The following EXOC6 variants were observed in gnomAD, a reference collection of about 807,000 sequenced individuals.
The protein encoded by EXOC6 is exocyst complex component 6, also known as SEC15-like 1.
Under a neutral mutation model 112.5 loss-of-function variants are expected in EXOC6, and 60 were observed. That is an observed-to-expected ratio of 0.53 (90% CI 0.43 to 0.66). The LOEUF (loss-of-function observed/expected upper bound fraction) is 0.66, where lower values mean the gene tolerates loss of function less well. EXOC6 is among the 30% of genes least tolerant of loss of function. EXOC6 has a pLI of 0.00. For missense variants in EXOC6, 855 were observed against 957.1 expected (o/e 0.89, Z 1.41); for synonymous variants, 295 against 308.0 (o/e 0.96, Z 0.44).
At chr10:92,899,389 G>A (rs1393831613) in intron 4 of EXOC6, among the ~76,000 whole-genome samples, 1 of 152,036 alleles carries the variant, frequency 6.6e-6, no homozygotes, top group Non-Finnish European at 1.5e-5. Flanking sequence ...ATGTGTGTGT[G>A]TGTATATAAT....
chr10:93,001,688 C>T (rs1843763682), intron 19 of EXOC6, among the ~76,000 whole-genome samples: 1 of 152,196 alleles, frequency 6.6e-6, no homozygotes, highest in Non-Finnish European at 1.5e-5. Flanking sequence ...CTCTCTCCTT[C>T]CCATTTTTCT....
intron 20 of EXOC6, among the ~76,000 whole-genome samples, chr10:93,024,780 G>A (rs1294862583): frequency 1.3e-5 from 2 of 151,946 alleles, no homozygotes; most frequent in Non-Finnish European, 2.9e-5. Context: ...CTCATTACAG[G>A]GCACCTCCCT....
intron 18 of EXOC6, among the ~76,000 whole-genome samples, chr10:92,975,898 C>T (rs1297332475): frequency 4.5e-5 from 6 of 133,146 alleles, no homozygotes; most frequent in Admixed American, 1.4e-4. Flanking sequence ...CCTGGCCAGC[C>T]GCCCCGTCCG....
chr10:92,894,710 C>T, intron 2 of EXOC6, 84 bp from the exon 3 acceptor site: 2 of 1,035,108 alleles, frequency 1.9e-6, no homozygotes. Context: ...TCTCATGAAG[C>T]ATGATCTGAT....
chr10:93,011,469 C>T (rs1844243580), intron 19 of EXOC6, among the ~76,000 whole-genome samples: 1 of 152,034 alleles, frequency 6.6e-6, no homozygotes, highest in Non-Finnish European at 1.5e-5. Flanking sequence ...CTATGTTGCC[C>T]AGGCTGGTCT....
intron 14 of EXOC6, among the ~76,000 whole-genome samples, chr10:92,949,402 A>G (rs1408337765): frequency 1.3e-5 from 2 of 152,198 alleles, no homozygotes; most frequent in Non-Finnish European, 2.9e-5. Context: ...AGAGGCCAGA[A>G]TAATTATTCT....
At chr10:92,927,691 T>G (rs1464285244) in intron 8 of EXOC6, among the ~76,000 whole-genome samples, 2 of 152,146 alleles carry the variant, frequency 1.3e-5, no homozygotes, top group Admixed American at 6.6e-5. Context: ...ACCAAGAAAT[T>G]ATAGCATGGT....
intron 18 of EXOC6, among the ~76,000 whole-genome samples, chr10:92,996,198 A>G (rs939565095): frequency 1.2e-4 from 19 of 152,196 alleles, no homozygotes; most frequent in Admixed American, 1.2e-3. Context: ...TTCTGATGAT[A>G]TTCATAGATC....
intron 1 of EXOC6, 57 bp from the exon 2 acceptor site, chr10:92,893,292 A>G: frequency 7.7e-7 from 1 of 1,306,572 alleles, no homozygotes; most frequent in East Asian, 2.4e-5. Context: ...TCTTGCAAAG[A>G]TCAGGCTTAC....
At chr10:93,039,970 C>G (rs1845685695) in intron 20 of EXOC6, among the ~76,000 whole-genome samples, 1 of 152,222 alleles carries the variant, frequency 6.6e-6, no homozygotes, top group Admixed American at 6.5e-5. Context: ...TCGTGTTCCC[C>G]TGGTTCCTCA....
chr10:92,890,645 A>AGTGT (rs143417826), intron 1 of EXOC6, among the ~76,000 whole-genome samples: 2 of 150,240 alleles, frequency 1.3e-5, no homozygotes, highest in African/African-American at 2.4e-5. Flanking sequence ...GGAAGGGGAT[A>AGTGT]GTGTGTGTGT....
intron 1 of EXOC6, among the ~76,000 whole-genome samples, chr10:92,874,794 G>C (rs1289134364): frequency 2.0e-5 from 3 of 152,154 alleles, no homozygotes; most frequent in Non-Finnish European, 4.4e-5. Context: ...TCTCCTTGAT[G>C]ACTTTGTCTT....
At chr10:92,886,396 C>T (rs1021254162) in intron 1 of EXOC6, among the ~76,000 whole-genome samples, 4 of 152,192 alleles carry the variant, frequency 2.6e-5, no homozygotes, top group Non-Finnish European at 5.9e-5. Flanking sequence ...CAGTTATCAT[C>T]CCCCTTTTCT....
chr10:92,864,084 G>A (rs1848049914), intron 1 of EXOC6, among the ~76,000 whole-genome samples: 1 of 152,224 alleles, frequency 6.6e-6, no homozygotes, highest in Admixed American at 6.5e-5. Flanking sequence ...TAAGTGAGAA[G>A]AAACCTTTTT....
At chr10:92,930,669 A>G (rs973816836) in intron 9 of EXOC6, among the ~76,000 whole-genome samples, 3 of 152,132 alleles carry the variant, frequency 2.0e-5, no homozygotes, top group Non-Finnish European at 2.9e-5. Flanking sequence ...TTAAAATTGT[A>G]AACTTTTAGG....
intron 19 of EXOC6, among the ~76,000 whole-genome samples, chr10:93,001,049 G>T (rs1362762381): frequency 6.6e-6 from 1 of 152,200 alleles, no homozygotes; most frequent in Non-Finnish European, 1.5e-5. Flanking sequence ...TTTTAATGCA[G>T]TATGTATGCT....
chr10:93,013,845 A>G (rs1844370820), intron 19 of EXOC6, among the ~76,000 whole-genome samples: 1 of 152,200 alleles, frequency 6.6e-6, no homozygotes, highest in Non-Finnish European at 1.5e-5. Context: ...TATCATTTTT[A>G]AATGCTTCTA....
intron 1 of EXOC6, among the ~76,000 whole-genome samples, chr10:92,874,886 C>A (rs1848617416): frequency 6.6e-6 from 1 of 152,162 alleles, no homozygotes; most frequent in African/African-American, 2.4e-5. Flanking sequence ...ATATGTTAGG[C>A]ACATACCTGA....
chr10:93,034,454 G>T (rs1260480395), intron 20 of EXOC6, among the ~76,000 whole-genome samples: 2 of 152,110 alleles, frequency 1.3e-5, no homozygotes, highest in Non-Finnish European at 2.9e-5. Flanking sequence ...TAAGGTTTAG[G>T]AAAGAAGTTC....
Sources: allele counts gnomAD v4.1 joint callset (sites outside exome capture counted in the v4.1 genomes callset), GRCh38; gene constraint gnomAD v4.1.1; transcripts MANE v1.5; gene names NCBI Gene and HGNC (gene_info 2026-07-23, HGNC 2026-07-21).